The following DAP3 variants were observed in gnomAD, a reference collection of about 807,000 sequenced individuals.
DAP3 encodes the protein death associated protein 3, also known as small ribosomal subunit protein mS29.
Under a neutral mutation model 51.9 loss-of-function variants are expected in DAP3, and 28 were observed. The ratio of observed to expected loss-of-function variants is 0.54; its 90% CI spans 0.40 to 0.74. The LOEUF is 0.74. DAP3 is among the 30% of genes least tolerant of loss of function. The probability of loss-of-function intolerance (pLI) is 0.00; values close to 1 mark genes in which losing one functional copy is unlikely to be tolerated. For synonymous variants in DAP3, 170 were observed against 170.3 expected, an observed-to-expected ratio of 1.00 and a Z score of 0.01; for missense variants, 458 against 483.5, an observed-to-expected ratio of 0.95 and a Z score of 0.49.
chr1:155,719,970 C>T (rs1657788466), intron 3 of DAP3, among the ~76,000 whole-genome samples: 1 of 152,166 alleles, frequency 6.6e-6, no homozygotes, highest in Admixed American at 6.6e-5. Context: ...GATCAGGCCA[C>T]TGCACTCCAG....
At chr1:155,727,496 T>C in intron 6 of DAP3, 112 bp from the exon 7 acceptor site, 1 of 996,768 alleles carries the variant, frequency 1.0e-6, no homozygotes, top group South Asian at 2.6e-5. Flanking sequence ...AGAAAAGAAA[T>C]ATATATATGA....
chr1:155,695,758 T>C (rs1234956183), intron 1 of DAP3, among the ~76,000 whole-genome samples: 1 of 152,216 alleles, frequency 6.6e-6, no homozygotes, highest in East Asian at 1.9e-4. Flanking sequence ...TCATTGCCTG[T>C]AATTTAGCTC....
In DAP3 at chr1:155,725,455, C is replaced by T; in HGVS notation, c.344C>T (p.Thr115Ile). The T allele has an allele frequency of 6.2e-7, 1 of 1,614,154 alleles. No individual in the cohort carries two copies. The highest frequency in any genetic ancestry group is 8.5e-7 in the Non-Finnish European group (1 of 1,180,030). Residue 115 changes from threonine (T) to isoleucine (I), a missense_variant, in exon 5 of 13, where the codon ACC (threonine) becomes ATC (isoleucine). By Grantham distance (89) the Thr-to-Ile change is moderately conservative. Coordinates refer to ENST00000368336, the MANE Select transcript of DAP3 (RefSeq NM_004632.4). ...ALELLHYLKN[T>I]SFAYPAIRYL... ...GAACTTCTGCATTACCTGAAAAACA[C>T]CAGTTTTGCTTATCCAGCTATACGA...
In DAP3 at chr1:155,725,558, G is replaced by T. The variant is rs1557791124; in HGVS notation, c.379+68G>T. Reference sequence around the variant, plus strand: ...TCTCCCCTCAAATAAGGCAACAGAAGAAATGAAAAAAAGTACTGTTGAGGC... The same window carrying T: ...TCTCCCCTCAAATAAGGCAACAGAATAAATGAAAAAAAGTACTGTTGAGGC... On this transcript the variant is annotated intron_variant, in intron 5 of 12. Coordinates refer to ENST00000368336, the MANE Select transcript of DAP3 (RefSeq NM_004632.4). 3.4e-6 allele frequency: 5 copies of T among 1,462,676 alleles called. No individual in the cohort carries two copies. The East Asian group carries it at 9.1e-5, about 27-fold the overall frequency. 90.6% of individuals were successfully genotyped at this position (1,462,676 alleles called of 1,614,324 possible).
intron 2 of DAP3, among the ~76,000 whole-genome samples, chr1:155,716,103 A>T (rs1417260831): frequency 6.6e-6 from 1 of 152,216 alleles, no homozygotes; most frequent in Non-Finnish European, 1.5e-5. Context: ...AAGTTTGCTA[A>T]TGGCTATGCT....
At chr1:155,711,479 C>T (rs527243508) in intron 2 of DAP3, among the ~76,000 whole-genome samples, 14 of 151,332 alleles carry the variant, frequency 9.3e-5, no homozygotes, top group Non-Finnish European at 1.3e-4. Flanking sequence ...GGCAATAGAG[C>T]GAGACTCCAT....
At chr1:155,702,209 C>G (rs1432126455) in intron 1 of DAP3, among the ~76,000 whole-genome samples, 1 of 150,218 alleles carries the variant, frequency 6.7e-6, no homozygotes, top group Non-Finnish European at 1.5e-5. Flanking sequence ...GTGGCTCACA[C>G]CTGTAATCCC....
chr1:155,719,134 G>A (rs1657687099), intron 3 of DAP3, among the ~76,000 whole-genome samples: 1 of 152,086 alleles, frequency 6.6e-6, no homozygotes, highest in Non-Finnish European at 1.5e-5. Context: ...GCTTATGCCT[G>A]TAATCCCAGG....
chr1:155,699,876 G>A (rs748590352), intron 1 of DAP3, among the ~76,000 whole-genome samples: 1 of 152,008 alleles, frequency 6.6e-6, no homozygotes, highest in South Asian at 2.1e-4. Flanking sequence ...TCAGCCTCCC[G>A]AAGTGTGAGA....
Position 155,721,576 on chromosome 1 carries a change from G to A in DAP3, c.228G>A (p.Glu76=), listed in dbSNP as rs922535122. The change falls in exon 4 of 13, where the codon GAG becomes GAA. Residue 76 remains glutamate (E), a synonymous_variant. Coordinates refer to ENST00000368336, the MANE Select transcript of DAP3 (RefSeq NM_004632.4). ...QHYNISPQDL[E]TVFPHGLPPR... ...ACAACATCTCCCCCCAGGATTTGGA[G>A]ACTGTATTTCCCCATGGCCTTCCTC... 28 of 1,613,994 alleles carry A rather than the reference G, an allele frequency of 1.7e-5. No individual in the cohort carries two copies. Among genetic ancestry groups the A allele is most frequent in the Non-Finnish European group, 2.4e-5 (28 of 1,180,042 alleles).
chr1:155,728,793 G>C (rs1658882544), intron 7 of DAP3, among the ~76,000 whole-genome samples: 2 of 151,766 alleles, frequency 1.3e-5, no homozygotes, highest in Admixed American at 6.6e-5. Context: ...CTGGGAGGTG[G>C]ATGTTGCAGC....
Position 155,717,325 on chromosome 1 carries a change from C to T in DAP3, c.168+197C>T, listed in dbSNP as rs964101202. ...CTGTGGTAACATACACTGGCCAGCT[C>T]GGTCTGTATCAGTTCCCATGTAATC... is the stretch of plus-strand genomic sequence containing the variant. On this transcript the variant is annotated intron_variant, in intron 3 of 12. Transcript: ENST00000368336. 2.6e-5 allele frequency among the ~76,000 whole-genome samples: 4 copies of T among 152,282 alleles called. No homozygotes were observed. The South Asian group carries it at 6.2e-4, about 24-fold the overall frequency.
chr1:155,721,706 A>T (rs772524795), intron 4 of DAP3, 88 bp downstream of exon 4: 3 of 1,260,936 alleles, frequency 2.4e-6, no homozygotes, highest in East Asian at 2.4e-5. Context: ...AAGAAAATTT[A>T]AAAAGATGAA....
chr1:155,696,574 A>G lies in DAP3; in HGVS notation c.-8+7400A>G, dbSNP rs566763877. The stretch of plus-strand genomic sequence containing the variant: ...AGTTGTTTGAATTTTGTCAGGTGTT[A>G]TAAGCAATCCAGCATTTGTAATTGC... On this transcript the variant is annotated intron_variant, in intron 1 of 12. Coordinates refer to ENST00000368336, the MANE Select transcript of DAP3 (RefSeq NM_004632.4). Among the ~76,000 whole-genome samples the G allele has an allele frequency of 6.6e-5, 10 of 152,342 alleles. No homozygotes were observed. In the South Asian group the frequency reaches 1.7e-3, roughly 25 times the overall value.
Position 155,732,013 on chromosome 1 carries a change from C to T in DAP3, c.973C>T (p.Pro325Ser), listed in dbSNP as rs373125599. The change falls in exon 11 of 13, where the codon CCC becomes TCC. Residue 325 changes from proline to serine, a missense_variant. Coordinates refer to ENST00000368336, the MANE Select transcript of DAP3 (RefSeq NM_004632.4). Reference sequence around the variant, plus strand: ...CTTTAAGCCCCGGAAAGCCTATCTGCCCCAGGAGTTGCTGGGAAAGGTCAA... The same window carrying T: ...CTTTAAGCCCCGGAAAGCCTATCTGTCCCAGGAGTTGCTGGGAAAGGTCAA... Reference protein sequence around the residue: ...SLFKPRKAYLPQELLGKEGFD... With the variant: ...SLFKPRKAYLSQELLGKEGFD... The T allele has an allele frequency of 6.2e-7, 1 of 1,611,232 alleles. No individual in the cohort carries two copies.
At chr1:155,698,303 A>C (rs1654779662) in intron 1 of DAP3, among the ~76,000 whole-genome samples, 1 of 152,230 alleles carries the variant, frequency 6.6e-6, no homozygotes, top group South Asian at 2.1e-4. Context: ...TTCACAATTT[A>C]TGTTCAGAGA....
At chr1:155,696,907 C>G (rs1654587884) in intron 1 of DAP3, among the ~76,000 whole-genome samples, 1 of 152,144 alleles carries the variant, frequency 6.6e-6, no homozygotes, top group African/African-American at 2.4e-5. Flanking sequence ...AACAAGCAGC[C>G]AGTCTTTAGG....
intron 3 of DAP3, among the ~76,000 whole-genome samples, chr1:155,718,556 G>A (rs1192671081): frequency 3.3e-5 from 5 of 151,888 alleles, no homozygotes; most frequent in African/African-American, 4.8e-5. Context: ...GCATGGTGGC[G>A]GGCGCCTGTA....
chr1:155,718,921 T>A (rs1657668366), intron 3 of DAP3, among the ~76,000 whole-genome samples: 1 of 152,236 alleles, frequency 6.6e-6, no homozygotes, highest in South Asian at 2.1e-4. Flanking sequence ...AGCATGCAGA[T>A]GATCTTGTCA....
Sources: gnomAD v4.1 joint callset for allele counts (sites outside exome capture counted in the v4.1 genomes callset) on GRCh38, gnomAD v4.1.1 for gene constraint, MANE v1.5 for transcripts, NCBI Gene and HGNC (gene_info 2026-07-23, HGNC 2026-07-21) for gene names.